Variants in RIPK4 observed in about 807,000 individuals in gnomAD.
RIPK4 encodes the protein receptor interacting serine/threonine kinase 4.
RIPK4 carries 17 observed loss-of-function variants against 42.9 expected under a neutral mutation model. The ratio of observed to expected loss-of-function variants is 0.40; its 90% CI spans 0.27 to 0.59. The LOEUF is 0.59. RIPK4 is among the 20% of genes least tolerant of loss of function. The pLI is 0.47. For missense variants in RIPK4, 897 were observed against 1,104.4 expected, an observed-to-expected ratio of 0.81 and a Z score of 2.66; for synonymous variants, 498 against 499.1, an observed-to-expected ratio of 1.00 and a Z score of 0.03.
intron 2 of RIPK4, among the ~76,000 whole-genome samples, chr21:41,752,381 T>A (rs376723441): frequency 9.0e-4 from 137 of 152,150 alleles, no homozygotes; most frequent in African/African-American, 3.0e-3. Context: ...GCTGGGAGAA[T>A]TTATGACCTG....
chr21:41,759,718 A>C (rs1007884421), intron 1 of RIPK4, among the ~76,000 whole-genome samples: 1 of 152,216 alleles, frequency 6.6e-6, no homozygotes, highest in African/African-American at 2.4e-5. Flanking sequence ...GGTGAATCCA[A>C]AACAGTGCCA....
intron 3 of RIPK4, among the ~76,000 whole-genome samples, chr21:41,749,819 A>G (rs890786619): frequency 6.6e-6 from 1 of 151,278 alleles, no homozygotes; most frequent in Non-Finnish European, 1.5e-5. Flanking sequence ...GCTTAGAAAT[A>G]TATAGATAAT....
In RIPK4 at chr21:41,756,809, T is replaced by C. The variant is rs769991751; in HGVS notation, c.190A>G (p.Met64Val). The change falls in exon 2 of 8, where the codon ATG becomes GTG. Residue 64 changes from methionine to valine, a missense_variant. Transcript: ENST00000332512. Reference protein sequence around the residue: ...PSLHVDDRERMELLEEAKKME... With the variant: ...PSLHVDDRERVELLEEAKKME... ...TTCTTGGCTTCTTCCAAAAGCTCCA[T>C]GCGCTCCCTGAAAAAGTTCAAAGGC... The C allele has an allele frequency of 1.1e-5, 17 of 1,611,502 alleles. No individual in the cohort carries two copies. Among genetic ancestry groups the C allele is most frequent in the South Asian group, 2.2e-5 (2 of 91,062 alleles).
intron 1 of RIPK4, 126 bp downstream of exon 1, chr21:41,766,734 T>G: frequency 9.7e-7 from 1 of 1,029,124 alleles, no homozygotes; most frequent in Non-Finnish European, 1.4e-6. Flanking sequence ...CGGCAATTGG[T>G]TTCCCCCCCG....
At chr21:41,746,823 T>A in intron 4 of RIPK4, 52 bp from the exon 5 acceptor site, 1 of 1,526,860 alleles carries the variant, frequency 6.5e-7, no homozygotes, top group Non-Finnish European at 8.8e-7. Flanking sequence ...GGTGGCAGCA[T>A]CTCACCCTTG....
rs779147255 is a variant in RIPK4, at chr21:41,749,176, G to C, written c.651C>G (p.Leu217=). The part of the protein sequence containing the change: ...YSFAIVIWGV[L]TQKKPFADEK... ...CACCTGCAAACGGCTTCTTCTGTGT[G>C]AGCACGCCCCAGATGACGATCGCAA... is the stretch of plus-strand genomic sequence containing the variant. The change falls in exon 4 of 8, where the codon CTC becomes CTG. Residue 217 remains leucine, a synonymous_variant. Coordinates refer to ENST00000332512, the MANE Select transcript of RIPK4 (RefSeq NM_020639.3). 1 of 1,613,892 alleles carries C rather than the reference G, an allele frequency of 6.2e-7. No homozygotes were observed. Among genetic ancestry groups the C allele is most frequent in the Non-Finnish European group, 8.5e-7 (1 of 1,179,920 alleles).
Position 41,739,444 on chromosome 21 carries a change from C to T in RIPK4, c.*1394G>A, listed in dbSNP as rs914138263. Reference sequence around the variant, plus strand: ...CTTCTTGTCCCTCACGCAGTCCACACAACAGTAAAGGCACAATGAGGCATA... The same window carrying T: ...CTTCTTGTCCCTCACGCAGTCCACATAACAGTAAAGGCACAATGAGGCATA... On this transcript the variant is annotated 3_prime_UTR_variant, in exon 8 of 8. Transcript: ENST00000332512. 1.1e-4 allele frequency: 17 copies of T among 152,358 alleles called. 4 individuals carry two copies. In the South Asian group the frequency reaches 3.5e-3, roughly 32 times the overall value. 9.4% of individuals were successfully genotyped at this position (152,358 alleles called of 1,614,324 possible).
Position 41,751,249 on chromosome 21 carries a change from C to T in RIPK4, c.475-4G>A, listed in dbSNP as rs1311025778. Reference sequence around the variant, plus strand: ...TGGCCAGACCAAAATCAGAAATCTGCAACACAGCCATCAGAGCGGGGCTCA... The same window carrying T: ...TGGCCAGACCAAAATCAGAAATCTGTAACACAGCCATCAGAGCGGGGCTCA... On this transcript the variant is annotated splice_region_variant and splice_polypyrimidine_tract_variant and intron_variant, in intron 2 of 7. Transcript: ENST00000332512. The surrounding 1 kb of genome is among the most constrained non-coding windows in gnomAD (Gnocchi z 4.5). 1.2e-6 allele frequency: 2 copies of T among 1,614,010 alleles called. No homozygotes were observed. The highest frequency in any genetic ancestry group is 1.7e-6 in the Non-Finnish European group (2 of 1,179,926).
chr21:41,766,736 T>TC (rs1366923021), intron 1 of RIPK4, 124 bp downstream of exon 1: 18 of 1,051,884 alleles, frequency 1.7e-5, no homozygotes, highest in Admixed American at 1.7e-4. Flanking sequence ...GCAATTGGTT[T>TC]CCCCCCCGAA....
intron 1 of RIPK4, among the ~76,000 whole-genome samples, chr21:41,762,818 C>T (rs557540652): frequency 5.3e-5 from 8 of 152,186 alleles, no homozygotes; most frequent in African/African-American, 1.9e-4. Context: ...GATGCCGAAT[C>T]CAGCCTAGGT....
At chr21:41,762,474 G>A (rs1044850521) in intron 1 of RIPK4, among the ~76,000 whole-genome samples, 3 of 152,172 alleles carry the variant, frequency 2.0e-5, no homozygotes, top group South Asian at 2.1e-4. Context: ...CTCCCTAGGC[G>A]CACATCTGGG....
chr21:41,763,113 C>T (rs1026144392), intron 1 of RIPK4, among the ~76,000 whole-genome samples: 9 of 152,162 alleles, frequency 5.9e-5, no homozygotes, highest in African/African-American at 1.9e-4. Flanking sequence ...CCCCCCCTCC[C>T]CCGCAAAAGT....
chr21:41,762,617 TAAG>T lies in RIPK4; in HGVS notation c.182+4240_182+4242del, dbSNP rs1176739269. ...AAGAGGCTTTTCTGATCAGGGAGGT[TAAG>T]AAGTGCTCAGGTACTCGAAGCACAG... On this transcript the variant is annotated intron_variant, in intron 1 of 7. Transcript: ENST00000332512. Among the ~76,000 whole-genome samples, 5 of 152,190 alleles carry T rather than the reference TAAG, an allele frequency of 3.3e-5. No individual in the cohort carries two copies. The East Asian group carries it at 9.6e-4, about 29-fold the overall frequency.
intron 4 of RIPK4, among the ~76,000 whole-genome samples, chr21:41,747,175 T>C (rs1010939959): frequency 1.1e-4 from 17 of 152,186 alleles, no homozygotes; most frequent in African/African-American, 4.1e-4. Context: ...AGCCACAGCG[T>C]CCTACATCCA....
chr21:41,747,485 G>T (rs958961613), intron 4 of RIPK4, among the ~76,000 whole-genome samples: 12 of 152,236 alleles, frequency 7.9e-5, no homozygotes, highest in African/African-American at 2.9e-4. Flanking sequence ...AACCCTCAAG[G>T]TTCTTGTTCC....
intron 1 of RIPK4, among the ~76,000 whole-genome samples, chr21:41,761,872 G>A (rs564566821): frequency 6.6e-6 from 1 of 152,110 alleles, no homozygotes; most frequent in Non-Finnish European, 1.5e-5. Flanking sequence ...GCTCATTGGC[G>A]ACTCTAACAG....
At chr21:41,744,262 A>G in intron 6 of RIPK4, 122 bp from the exon 7 acceptor site, 1 of 929,666 alleles carries the variant, frequency 1.1e-6, no homozygotes, top group Non-Finnish European at 1.6e-6. Context: ...GAAAGGACGG[A>G]CCCTGGAAGC....
At position 41,746,728 on chromosome 21, in the gene RIPK4, G is replaced by T; in HGVS notation, c.717C>A (p.Gly239=). The T allele has an allele frequency of 6.2e-7, 1 of 1,608,088 alleles. No homozygotes were observed. Residue 239 remains glycine, a synonymous_variant, in exon 5 of 8, where the codon GGC becomes GGA. Transcript: ENST00000332512. ...ILHIMVKVVK[G]HRPELPPVCR... is the part of the protein sequence containing the mutation. Reference sequence around the variant, plus strand: ...ACACGGGCGGCAGCTCGGGGCGGTGGCCCTTCACCACCTTCACCATGATGT... The same window carrying T: ...ACACGGGCGGCAGCTCGGGGCGGTGTCCCTTCACCACCTTCACCATGATGT...
intron 1 of RIPK4, among the ~76,000 whole-genome samples, chr21:41,762,290 G>A (rs1032520219): frequency 1.3e-5 from 2 of 152,194 alleles, no homozygotes; most frequent in Non-Finnish European, 2.9e-5. Context: ...TCCCGGGACC[G>A]CCCTGTGGGA....
Sources: gnomAD v4.1 joint callset for allele counts (sites outside exome capture counted in the v4.1 genomes callset) on GRCh38, gnomAD v4.1.1 for gene constraint, Gnocchi (gnomAD v3.1) non-coding constraint, MANE v1.5 for transcripts, NCBI Gene and HGNC (gene_info 2026-07-23, HGNC 2026-07-21) for gene names.